STRBP: variants seen among roughly 807,000 people sequenced by gnomAD.
The protein encoded by STRBP is spermatid perinuclear RNA-binding protein.
A neutral mutation model predicts 80.1 loss-of-function variants in STRBP; 13 were observed. The ratio of observed to expected loss-of-function variants is 0.16; its 90% CI spans 0.11 to 0.26. STRBP has a LOEUF of 0.26. Ranked by LOEUF, STRBP falls within the 10% of genes least tolerant of loss-of-function variation. The probability of loss-of-function intolerance (pLI) is 1.00; values close to 1 mark genes in which losing one functional copy is unlikely to be tolerated. For synonymous variants in STRBP, 284 were observed against 291.2 expected (o/e 0.98, Z 0.25); for missense variants, 485 against 815.2 (o/e 0.59, Z 4.93).
chr9:123,233,321 C>T (rs937787503), intron 2 of STRBP, among the ~76,000 whole-genome samples: 27 of 152,196 alleles, frequency 1.8e-4, no homozygotes, highest in African/African-American at 6.0e-4. Flanking sequence ...ACAATCCTCC[C>T]GCATCAGCTT....
intron 3 of STRBP, chr9:123,111,419 A>G (rs1239458897): frequency 1.9e-5 from 6 of 309,346 alleles, no homozygotes; most frequent in Non-Finnish European, 3.3e-5. Flanking sequence ...GAACAAGGAA[A>G]AGAAAAAGAG....
Position 123,124,800 on chromosome 9 carries a change from A to T in STRBP, c.*797T>A. The T allele has an allele frequency of 1.0e-6, 1 of 985,468 alleles. No individual in the cohort carries two copies. Among genetic ancestry groups the T allele is most frequent in the Non-Finnish European group, 1.2e-6 (1 of 829,928 alleles). 61.0% of individuals were successfully genotyped at this position (985,468 alleles called of 1,614,324 possible). On this transcript the variant is annotated 3_prime_UTR_variant, in exon 19 of 19. Coordinates refer to ENST00000348403, the MANE Select transcript of STRBP (RefSeq NM_018387.5). ...TCCTTCCCCATCTCTGGGTAGTGCC[A>T]TCATTTTAATAAGCAATGCTCAAAT...
chr9:123,186,820 T>TC (rs200153596), intron 2 of STRBP, among the ~76,000 whole-genome samples: 3,516 of 61,794 alleles, frequency 0.057, 65 homozygotes, highest in South Asian at 0.22. Context: ...GAGTTTTTCT[T>TC]TTTTTAAAAA....
At chr9:123,227,711 A>T (rs2040283718) in intron 2 of STRBP, among the ~76,000 whole-genome samples, 1 of 151,340 alleles carries the variant, frequency 6.6e-6, no homozygotes, top group Non-Finnish European at 1.5e-5. Flanking sequence ...GATTACAGGT[A>T]TGCACCCCAC....
At chr9:123,241,699 C>T (rs2040699386) in intron 1 of STRBP, among the ~76,000 whole-genome samples, 7 of 152,150 alleles carry the variant, frequency 4.6e-5, no homozygotes, top group Admixed American at 4.6e-4. Context: ...CCTGTTGACT[C>T]TATCTTGAAA....
intron 1 of STRBP, among the ~76,000 whole-genome samples, chr9:123,268,193 C>T (rs2041319301): frequency 6.6e-6 from 1 of 151,920 alleles, no homozygotes; most frequent in Non-Finnish European, 1.5e-5. Flanking sequence ...CTGCCCGCTG[C>T]CCTTGCCCGA....
chr9:123,253,548 T>C (rs1011032107), intron 1 of STRBP, among the ~76,000 whole-genome samples: 4 of 152,232 alleles, frequency 2.6e-5, no homozygotes, highest in Non-Finnish European at 5.9e-5. Flanking sequence ...GAATCCCAGA[T>C]TGACCACTTA....
At chr9:123,132,708 A>C in intron 17 of STRBP, 137 bp downstream of exon 17, 1 of 1,243,832 alleles carries the variant, frequency 8.0e-7, no homozygotes, top group Non-Finnish European at 1.1e-6. Flanking sequence ...CCAATTCTCT[A>C]CTTTTAAATT....
rs1032519741 is a variant in STRBP, at chr9:123,110,485, C to T, written c.*85-732G>A. ...CACTTAGACCAAAGGCTCAGCACAA[C>T]AGGCCAGACAGATGGGTCCAGGATG... On this transcript the variant is annotated intron_variant and NMD_transcript_variant, in intron 3 of 3. Coordinates refer to the STRBP transcript ENST00000471564. The surrounding 1 kb of genome is among the most constrained non-coding windows in gnomAD (Gnocchi z 4.1). 5.9e-6 allele frequency: 1 copy of T among 169,210 alleles called. No homozygotes were observed. Among genetic ancestry groups the T allele is most frequent in the African/African-American group, 2.4e-5 (1 of 41,522 alleles). 10.5% of individuals were successfully genotyped at this position (169,210 alleles called of 1,614,324 possible). A position where few individuals can be genotyped will look rare whatever the true frequency, so the allele number is the denominator to read the frequency against.
At chr9:123,237,661 G>A (rs1306704870) in intron 1 of STRBP, among the ~76,000 whole-genome samples, 1 of 151,600 alleles carries the variant, frequency 6.6e-6, no homozygotes, top group East Asian at 1.9e-4. Context: ...ATGCTGATGT[G>A]GAACACCTGC....
chr9:123,159,570 A>C (rs1044406983), intron 8 of STRBP, among the ~76,000 whole-genome samples: 1 of 152,208 alleles, frequency 6.6e-6, no homozygotes, highest in African/African-American at 2.4e-5. Flanking sequence ...CAGCCCACTT[A>C]ATCTCCCACT....
chr9:123,249,781 C>T (rs2040874241), intron 1 of STRBP, among the ~76,000 whole-genome samples: 1 of 152,312 alleles, frequency 6.6e-6, no homozygotes, highest in African/African-American at 2.4e-5. Flanking sequence ...CCTGGAGGTC[C>T]TCAAGACCTT....
Position 123,122,255 on chromosome 9 carries a change from TG to T in STRBP, c.*3341del. On this transcript the variant is annotated 3_prime_UTR_variant, in exon 19 of 19. Coordinates refer to ENST00000348403, the MANE Select transcript of STRBP (RefSeq NM_018387.5). ...CTCAGCCTATTTTATACAAGTGATA[TG>T]GCTACGAAGGTCCGAGGAGAACGAG... is the stretch of plus-strand genomic sequence containing the variant. 1.8e-6 allele frequency: 2 copies of T among 1,129,104 alleles called. No individual in the cohort carries two copies. The highest frequency in any genetic ancestry group is 2.4e-6 in the Non-Finnish European group (2 of 843,714). The allele number at this position is 1,129,104 out of a possible 1,614,324, so 69.9% of individuals were successfully genotyped here. A position where few individuals can be genotyped will look rare whatever the true frequency, so the allele number is the denominator to read the frequency against.
chr9:123,188,105 T>C (rs1228198953), intron 2 of STRBP, among the ~76,000 whole-genome samples: 1 of 152,150 alleles, frequency 6.6e-6, no homozygotes, highest in Non-Finnish European at 1.5e-5. Flanking sequence ...TGTCATATAG[T>C]TGGAATAATA....
chr9:123,168,729 G>C (rs1267638893), intron 6 of STRBP, among the ~76,000 whole-genome samples: 1 of 152,168 alleles, frequency 6.6e-6, no homozygotes, highest in African/African-American at 2.4e-5. Context: ...TGTCATGACA[G>C]AGTAGCCAGC....
At chr9:123,202,585 G>C (rs530244112) in intron 2 of STRBP, among the ~76,000 whole-genome samples, 1 of 152,262 alleles carries the variant, frequency 6.6e-6, no homozygotes, top group East Asian at 1.9e-4. Flanking sequence ...CTGTTACTTT[G>C]ATAGGTTTTC....
At chr9:123,206,453 T>C (rs1588099815) in intron 2 of STRBP, among the ~76,000 whole-genome samples, 1 of 152,088 alleles carries the variant, frequency 6.6e-6, no homozygotes, top group East Asian at 1.9e-4. Context: ...GATGAATGTA[T>C]GAATGTGGAT....
At chr9:123,201,958 A>G (rs993248267) in intron 2 of STRBP, among the ~76,000 whole-genome samples, 3 of 152,306 alleles carry the variant, frequency 2.0e-5, no homozygotes, top group Non-Finnish European at 2.9e-5. Context: ...TAGAATTGTA[A>G]TATCTTGTTG....
chr9:123,146,021 C>T (rs1490567035), intron 13 of STRBP, among the ~76,000 whole-genome samples: 2 of 149,822 alleles, frequency 1.3e-5, no homozygotes, highest in Non-Finnish European at 3.0e-5. Flanking sequence ...CTGCTATATC[C>T]CCAGTATCTA....
Sources: allele counts gnomAD v4.1 joint callset (sites outside exome capture counted in the v4.1 genomes callset), GRCh38; gene constraint gnomAD v4.1.1; non-coding constraint Gnocchi (gnomAD v3.1); transcripts MANE v1.5; gene names NCBI Gene and HGNC (gene_info 2026-07-23, HGNC 2026-07-21).